RAB38: variants seen among roughly 807,000 people sequenced by gnomAD.
The protein encoded by RAB38 is ras-related protein Rab-38.
RAB38 carries 15 observed loss-of-function variants against 18.4 expected under a neutral mutation model. The ratio of observed to expected loss-of-function variants is 0.82; its 90% CI spans 0.55 to 1.26. The LOEUF (loss-of-function observed/expected upper bound fraction) is 1.26. RAB38 is among the 50% of genes most tolerant of loss of function. RAB38 has a pLI of 0.00. For synonymous variants in RAB38, 101 were observed against 104.4 expected (o/e 0.97, Z 0.20); for missense variants, 294 against 267.4 (o/e 1.10, Z -0.69).
At chr11:88,163,967 A>G (rs1322713943) in intron 1 of RAB38, among the ~76,000 whole-genome samples, 1 of 152,122 alleles carries the variant, frequency 6.6e-6, no homozygotes, top group Admixed American at 6.6e-5. Flanking sequence ...GGAAGGAAGG[A>G]AACCAAGTCA....
the RAB38 span, among the ~76,000 whole-genome samples, chr11:88,066,810 G>A: frequency 6.5e-4 from 99 of 152,200 alleles, no homozygotes; most frequent in African/African-American, 8.9e-4. Context: ...TACCAACAGC[G>A]AAATACCCAT....
the RAB38 span, among the ~76,000 whole-genome samples, chr11:87,856,696 C>G: frequency 1.3e-5 from 2 of 152,018 alleles, no homozygotes; most frequent in Non-Finnish European, 2.9e-5. Context: ...GCTTCTTCTT[C>G]TTCTCCTCCT....
chr11:87,828,529 G>C, the RAB38 span, among the ~76,000 whole-genome samples: 1 of 152,136 alleles, frequency 6.6e-6, no homozygotes, highest in African/African-American at 2.4e-5. Context: ...TAGGAAAGCA[G>C]TGGTGAGAAG....
the RAB38 span, among the ~76,000 whole-genome samples, chr11:88,059,908 T>A: frequency 6.6e-6 from 1 of 152,226 alleles, no homozygotes. Context: ...GGTGCCCAAT[T>A]CTCTGGATGC....
the RAB38 span, among the ~76,000 whole-genome samples, chr11:87,873,918 G>GTT: frequency 2.4e-5 from 1 of 41,068 alleles, no homozygotes; most frequent in African/African-American, 1.0e-4. Context: ...ATGTGTGTGT[G>GTT]TGTGTATATA....
chr11:87,957,100 A>G, the RAB38 span, among the ~76,000 whole-genome samples: 3 of 152,078 alleles, frequency 2.0e-5, no homozygotes, highest in Non-Finnish European at 4.4e-5. Context: ...CACTGTAAGT[A>G]ATAACTTACA....
intron 1 of RAB38, among the ~76,000 whole-genome samples, chr11:88,163,766 A>G (rs1943215184): frequency 6.6e-6 from 1 of 152,168 alleles, no homozygotes; most frequent in Non-Finnish European, 1.5e-5. Flanking sequence ...ATGTATATTT[A>G]AATTTAAAGC....
the RAB38 span, among the ~76,000 whole-genome samples, chr11:87,946,504 A>G: frequency 6.6e-6 from 1 of 152,030 alleles, no homozygotes; most frequent in Non-Finnish European, 1.5e-5. Context: ...CTCCTCATTT[A>G]GCATTAGGCG....
At chr11:87,914,948 G>A in the RAB38 span, among the ~76,000 whole-genome samples, 2 of 152,146 alleles carry the variant, frequency 1.3e-5, no homozygotes, top group African/African-American at 4.8e-5. Flanking sequence ...AAAAGCCACA[G>A]AGGCTTGGCA....
chr11:87,924,749 G>A, the RAB38 span, among the ~76,000 whole-genome samples: 2 of 151,920 alleles, frequency 1.3e-5, no homozygotes, highest in Admixed American at 6.6e-5. Context: ...GAAGACGAAG[G>A]GTTCACCTTG....
chr11:87,825,800 CTCTT>C, the RAB38 span, among the ~76,000 whole-genome samples: 2 of 152,042 alleles, frequency 1.3e-5, no homozygotes, highest in Non-Finnish European at 2.9e-5. Context: ...AGGTGATTGA[CTCTT>C]TCATGGGAGA....
rs74772715 is a variant in RAB38 at position 88,175,173 on chromosome 11, C to A, written c.202+10G>T. On this transcript the variant is annotated intron_variant, in intron 1 of 2. Transcript: ENST00000243662. ...GCTCTATCCCCCTGACCCCCTCCCC[C>A]CGCGCTCACCTGCGATATCCCAGAG... 8.8e-6 allele frequency: 14 copies of A among 1,587,710 alleles called. 1 individual carries two copies. In the South Asian group the frequency reaches 9.1e-5, roughly 10 times the overall value.
chr11:87,852,089 G>A, the RAB38 span, among the ~76,000 whole-genome samples: 2 of 146,804 alleles, frequency 1.4e-5, no homozygotes, highest in Admixed American at 7.0e-5. Context: ...AGAGAACTTA[G>A]TAGGGTCTTT....
the RAB38 span, among the ~76,000 whole-genome samples, chr11:88,046,760 C>T: frequency 7.4e-3 from 1,125 of 152,288 alleles, 8 homozygotes; most frequent in Middle Eastern, 0.044. Context: ...CCTGGTTTTG[C>T]CATCGTAATA....
the RAB38 span, among the ~76,000 whole-genome samples, chr11:88,090,006 T>C: frequency 6.6e-6 from 1 of 151,832 alleles, no homozygotes; most frequent in Non-Finnish European, 1.5e-5. Flanking sequence ...TGGGGGACTA[T>C]AAAGAGACTC....
At chr11:88,011,141 T>C in the RAB38 span, among the ~76,000 whole-genome samples, 1 of 152,224 alleles carries the variant, frequency 6.6e-6, no homozygotes, top group Admixed American at 6.5e-5. Context: ...TTTCTCCGCA[T>C]ATATTTTAAC....
At chr11:88,043,952 A>T in the RAB38 span, among the ~76,000 whole-genome samples, 1 of 152,202 alleles carries the variant, frequency 6.6e-6, no homozygotes, top group African/African-American at 2.4e-5. Flanking sequence ...TAAATCTAGT[A>T]AGCAACCTTT....
At chr11:88,048,282 T>A in the RAB38 span, among the ~76,000 whole-genome samples, 1 of 152,208 alleles carries the variant, frequency 6.6e-6, no homozygotes, top group Non-Finnish European at 1.5e-5. Flanking sequence ...ATTTCTGCCC[T>A]TCTGTCTGAC....
At chr11:88,081,519 T>C in the RAB38 span, among the ~76,000 whole-genome samples, 1 of 151,990 alleles carries the variant, frequency 6.6e-6, no homozygotes, top group Non-Finnish European at 1.5e-5. Flanking sequence ...ATTCTATTCC[T>C]ATCTGCTAGC....
Sources: gnomAD v4.1 joint callset for allele counts (sites outside exome capture counted in the v4.1 genomes callset) on GRCh38, gnomAD v4.1.1 for gene constraint, MANE v1.5 for transcripts, NCBI Gene and HGNC (gene_info 2026-07-23, HGNC 2026-07-21) for gene names.